MYH9: variants seen among roughly 807,000 people sequenced by gnomAD.
The protein encoded by MYH9 is myosin-9.
A neutral mutation model predicts 241.9 loss-of-function variants in MYH9; 29 were observed. The ratio of observed to expected loss-of-function variants is 0.12; its 90% CI spans 0.09 to 0.16. The LOEUF (loss-of-function observed/expected upper bound fraction) is 0.16. Among genes scored for constraint, MYH9 ranks in the 10% least tolerant of loss-of-function variants. The pLI is 1.00. For missense variants in MYH9, 1,803 were observed against 2,595.5 expected (o/e 0.69, Z 6.63); for synonymous variants, 1,047 against 1,062.6 (o/e 0.99, Z 0.29).
At chr22:36,349,593 G>C (rs1181931493) in intron 1 of MYH9, among the ~76,000 whole-genome samples, 1 of 152,136 alleles carries the variant, frequency 6.6e-6, no homozygotes, top group Admixed American at 6.5e-5. Context: ...AACCAGGCGT[G>C]GTGGTGCACA....
At position 36,282,349 on chromosome 22, in the gene MYH9, C is replaced by T. The variant is rs1224863505; in HGVS notation, c.*319G>A. ...CTCTGGCCCCTCCCCGGGGGCCTGCCCTGCTCGCCTCAACATCTTGTGCTT... is the reference window on the plus strand; with the variant it reads ...CTCTGGCCCCTCCCCGGGGGCCTGCTCTGCTCGCCTCAACATCTTGTGCTT... On this transcript the variant is annotated 3_prime_UTR_variant, in exon 41 of 41. Coordinates refer to ENST00000216181, the MANE Select transcript of MYH9 (RefSeq NM_002473.6). 1.9e-6 allele frequency: 1 copy of T among 531,312 alleles called. No individual in the cohort carries two copies. Among genetic ancestry groups the T allele is most frequent in the East Asian group, 3.2e-5 (1 of 31,352 alleles). 32.9% of individuals were successfully genotyped at this position (531,312 alleles called of 1,614,324 possible). A position where few individuals can be genotyped will look rare whatever the true frequency, so the allele number is the denominator to read the frequency against.
intron 1 of MYH9, among the ~76,000 whole-genome samples, chr22:36,368,167 G>A (rs897737539): frequency 6.6e-6 from 1 of 152,162 alleles, no homozygotes; most frequent in Admixed American, 6.5e-5. Flanking sequence ...CTGTACAATG[G>A]GAATGAAAAG....
intron 27 of MYH9, among the ~76,000 whole-genome samples, 200 bp downstream of exon 27, chr22:36,294,732 C>T (rs776159286): frequency 1.3e-5 from 2 of 152,224 alleles, no homozygotes; most frequent in African/African-American, 2.4e-5. Flanking sequence ...CAAATAATCA[C>T]GAGACAGACA....
chr22:36,377,026 G>C (rs931577945), intron 1 of MYH9, among the ~76,000 whole-genome samples: 1 of 151,000 alleles, frequency 6.6e-6, no homozygotes, highest in Non-Finnish European at 1.5e-5. Flanking sequence ...TCGTGCAACT[G>C]TACTCTAGCC....
chr22:36,286,664 G>T (rs2016587108), intron 35 of MYH9, 54 bp downstream of exon 35: 2 of 1,605,230 alleles, frequency 1.2e-6, no homozygotes, highest in African/African-American at 1.3e-5. Flanking sequence ...GCCCCACGCT[G>T]CCACCTGCTG....
intron 3 of MYH9, among the ~76,000 whole-genome samples, chr22:36,328,133 G>T (rs1846779966): frequency 6.6e-6 from 1 of 152,230 alleles, no homozygotes; most frequent in Non-Finnish European, 1.5e-5. Context: ...TGGAAGGCGT[G>T]CAATGATGTC....
rs1456715675 is a variant in MYH9 at position 36,284,274 on chromosome 22, A to G, written c.5593-9T>C. 1 of 1,608,550 alleles carries G rather than the reference A, an allele frequency of 6.2e-7. No homozygotes were observed. Among genetic ancestry groups the G allele is most frequent in the Admixed American group, 1.7e-5 (1 of 59,660 alleles). ...GTAGATGCCTTGTCGGCCTGCGGAGATGGACGTGTGGCCCGTGGCCCCGGT... is the reference window on the plus strand; with the variant it reads ...GTAGATGCCTTGTCGGCCTGCGGAGGTGGACGTGTGGCCCGTGGCCCCGGT... On this transcript the variant is annotated splice_polypyrimidine_tract_variant and intron_variant, in intron 39 of 40. Transcript: ENST00000216181.
chr22:36,343,949 A>C (rs943156230), intron 2 of MYH9, among the ~76,000 whole-genome samples: 2 of 152,250 alleles, frequency 1.3e-5, no homozygotes, highest in African/African-American at 4.8e-5. Flanking sequence ...GTGGTCGCAC[A>C]CTAAGGGAGT....
chr22:36,380,736 G>T (rs2018244459), intron 1 of MYH9, among the ~76,000 whole-genome samples: 1 of 150,128 alleles, frequency 6.7e-6, no homozygotes, highest in Admixed American at 6.7e-5. Context: ...GTGAGACTCT[G>T]TCTCCAAAAA....
chr22:36,328,122 G>C (rs117953075), intron 3 of MYH9, among the ~76,000 whole-genome samples: 5,608 of 152,354 alleles, frequency 0.037, 140 homozygotes, highest in South Asian at 0.059. Flanking sequence ...TGTCTGGCAA[G>C]TGGAAGGCGT....
At chr22:36,338,758 C>T (rs941885017) in intron 3 of MYH9, among the ~76,000 whole-genome samples, 4 of 150,904 alleles carry the variant, frequency 2.7e-5, no homozygotes, top group African/African-American at 7.3e-5. Flanking sequence ...AGGCGGAGCC[C>T]GCAATGAGCC....
chr22:36,349,071 C>T lies in MYH9; in HGVS notation c.166G>A (p.Val56Met), dbSNP rs563932558. The change falls in exon 2 of 41, where the codon GTG (valine) becomes ATG (methionine). Residue 56 changes from valine to methionine, a missense_variant. Around this residue, in one of 11 missense-constraint regions of MYH9, gnomAD observed 75 missense variants for 79.1 expected, o/e 0.95. Coordinates refer to ENST00000216181, the MANE Select transcript of MYH9 (RefSeq NM_002473.6). ...TTCTTCCCATTCTCCACCAGCTCCA[C>T]GATGGCCTCTTCGCCCACCTCCTCC... ...LKEEVGEEAIVELVENGKKVK... is the reference protein window; with the variant it reads ...LKEEVGEEAIMELVENGKKVK... 48 of 1,614,128 alleles carry T rather than the reference C, an allele frequency of 3.0e-5. No individual in the cohort carries two copies. The highest frequency in any genetic ancestry group is 5.3e-5 in the African/African-American group (4 of 74,942).
chr22:36,337,274 C>T (rs2017514169), intron 3 of MYH9, among the ~76,000 whole-genome samples: 1 of 152,310 alleles, frequency 6.6e-6, no homozygotes, highest in African/African-American at 2.4e-5. Context: ...AAAAATCCTA[C>T]AGTGCTCAGG....
At chr22:36,375,448 G>T (rs1223639952) in intron 1 of MYH9, among the ~76,000 whole-genome samples, 1 of 152,190 alleles carries the variant, frequency 6.6e-6, no homozygotes, top group Non-Finnish European at 1.5e-5. Flanking sequence ...CTGCTGTACG[G>T]GAGATCCCAT....
At chr22:36,299,176 T>G (rs2016835633) in intron 23 of MYH9, 134 bp from the exon 24 acceptor site, 1 of 1,270,442 alleles carries the variant, frequency 7.9e-7, no homozygotes, top group East Asian at 2.3e-5. Flanking sequence ...TTCATTAGGA[T>G]TTTCCTAGAT....
chr22:36,328,820 C>G (rs2017375984), intron 3 of MYH9: 1 of 152,280 alleles, frequency 6.6e-6, no homozygotes, highest in Non-Finnish European at 1.5e-5. Context: ...ACCACCTGGT[C>G]AGGGCCCTGC....
Position 36,306,405 on chromosome 22 carries a change from C to T in MYH9, c.2037+9G>A, listed in dbSNP as rs775846738. On this transcript the variant is annotated intron_variant, in intron 16 of 40. Coordinates refer to ENST00000216181, the MANE Select transcript of MYH9 (RefSeq NM_002473.6). The surrounding 1 kb of genome is among the most constrained non-coding windows in gnomAD (Gnocchi z 4.1). ...GCCCTGCCCGGGCCACCCCACCAGGCAGCCGCACCTTCTTCTCGTGGTTGG... is the reference window on the plus strand; with the variant it reads ...GCCCTGCCCGGGCCACCCCACCAGGTAGCCGCACCTTCTTCTCGTGGTTGG... 6.2e-7 allele frequency: 1 copy of T among 1,614,064 alleles called. No homozygotes were observed. The highest frequency in any genetic ancestry group is 2.2e-5 in the East Asian group (1 of 44,886).
rs556840845 is a variant in MYH9, at chr22:36,290,837, C to T, written c.4344+1149G>A. ...TGTGAGGAGTGCCTCTGCCCAGTGG[C>T]GACCCCGTCTGGGAGGTGAGGAGCA... is the stretch of plus-strand genomic sequence containing the variant. On this transcript the variant is annotated intron_variant, in intron 31 of 40. Transcript: ENST00000216181. Among the ~76,000 whole-genome samples the T allele has an allele frequency of 1.3e-4, 20 of 151,960 alleles. No homozygotes were observed. In the South Asian group the frequency reaches 2.1e-3, roughly 16 times the overall value.
At chr22:36,286,055 AC>A in intron 35 of MYH9, 102 bp from the exon 36 acceptor site, 1 of 1,279,008 alleles carries the variant, frequency 7.8e-7, no homozygotes, top group South Asian at 1.2e-5. Context: ...CCCCAGGCCC[AC>A]CTCCCCACGA....
Sources: allele counts gnomAD v4.1 joint callset (sites outside exome capture counted in the v4.1 genomes callset), GRCh38; gene constraint gnomAD v4.1.1; regional missense constraint gnomAD v4.1.1; non-coding constraint Gnocchi (gnomAD v3.1); transcripts MANE v1.5; gene names NCBI Gene and HGNC (gene_info 2026-07-23, HGNC 2026-07-21).